Variants in SYNJ1 observed in about 807,000 individuals in gnomAD.
SYNJ1 encodes the protein polyphosphatidylinositol phosphatase SYNJ1.
Under a neutral mutation model 168.2 loss-of-function variants are expected in SYNJ1, and 78 were observed. The ratio of observed to expected loss-of-function variants is 0.46; its 90% CI spans 0.39 to 0.56. SYNJ1 has a LOEUF of 0.56. SYNJ1 is among the 20% of genes least tolerant of loss of function. The probability of loss-of-function intolerance (pLI) is 0.00; values close to 1 mark genes in which losing one functional copy is unlikely to be tolerated. For missense variants in SYNJ1, 1,303 were observed against 1,597.6 expected (o/e 0.82, Z 3.14); for synonymous variants, 539 against 548.6 (o/e 0.98, Z 0.24).
In SYNJ1 at chr21:32,726,754, C is replaced by T; in HGVS notation, c.124+18G>A. On this transcript the variant is annotated intron_variant, in intron 2 of 32. Transcript: ENST00000674351. ...AAAACAGAGACCATGACAAATTGGG[C>T]TCTAACAGATGACTTACAGAGCACA... is the stretch of plus-strand genomic sequence containing the variant. The T allele has an allele frequency of 6.2e-7, 1 of 1,613,418 alleles. No individual in the cohort carries two copies. Among genetic ancestry groups the T allele is most frequent in the Non-Finnish European group, 8.5e-7 (1 of 1,179,710 alleles).
chr21:32,631,937 T>G (rs1008403969), intron 32 of SYNJ1, 136 bp from the exon 33 acceptor site: 7 of 761,854 alleles, frequency 9.2e-6, no homozygotes, highest in Non-Finnish European at 1.2e-5. Flanking sequence ...TTGTGTAGTT[T>G]GTTACTCCGG....
chr21:32,676,061 T>C (rs2041395501), intron 13 of SYNJ1, among the ~76,000 whole-genome samples: 1 of 152,168 alleles, frequency 6.6e-6, no homozygotes, highest in African/African-American at 2.4e-5. Context: ...AAAAGTGAAA[T>C]TAAAACTAGC....
chr21:32,711,953 A>G (rs1386344169), intron 2 of SYNJ1, among the ~76,000 whole-genome samples: 1 of 152,228 alleles, frequency 6.6e-6, no homozygotes, highest in East Asian at 1.9e-4. Flanking sequence ...TTTTACTTTA[A>G]AAGTATTTTC....
chr21:32,684,852 A>C (rs2041762281), intron 9 of SYNJ1, among the ~76,000 whole-genome samples: 1 of 152,210 alleles, frequency 6.6e-6, no homozygotes, highest in Admixed American at 6.5e-5. Flanking sequence ...ATAATAATAG[A>C]GTCTATCCCT....
In SYNJ1 at chr21:32,639,150, G is replaced by A. The variant is rs558966073; in HGVS notation, c.3698-25C>T. The A allele has an allele frequency of 3.5e-5, 55 of 1,593,682 alleles. No homozygotes were observed. The Middle Eastern group carries it at 5.8e-4, about 17-fold the overall frequency. On this transcript the variant is annotated intron_variant, in intron 30 of 32. Transcript: ENST00000674351. ...CCTAAAAAACCAGTGGTTGTCAGAT[G>A]TTAGGTATATTCTAGAAAACCATGT...
chr21:32,661,721 C>T (rs1252436462), intron 18 of SYNJ1, among the ~76,000 whole-genome samples: 1 of 152,016 alleles, frequency 6.6e-6, no homozygotes, highest in Non-Finnish European at 1.5e-5. Flanking sequence ...TGGATACAGG[C>T]CCTTCCTATG....
chr21:32,645,102 A>T lies in SYNJ1; in HGVS notation c.3392-96T>A, dbSNP rs34001349. 28,368 of 1,215,874 alleles carry T rather than the reference A, an allele frequency of 0.023. 417 individuals are homozygous for T. Among genetic ancestry groups the T allele is most frequent in the Non-Finnish European group, 0.027 (23,360 of 866,578 alleles). 75.3% of individuals were successfully genotyped at this position (1,215,874 alleles called of 1,614,324 possible). On this transcript the variant is annotated intron_variant, in intron 25 of 32. Coordinates refer to ENST00000674351, the MANE Select transcript of SYNJ1 (RefSeq NM_203446.3). ...TGCTATAGTATCCATGACATCAAGT[A>T]TCATGCAGGAATTACATATTATCTA... is the stretch of plus-strand genomic sequence containing the variant.
intron 2 of SYNJ1, among the ~76,000 whole-genome samples, chr21:32,706,867 TAAAG>T (rs1239709402): frequency 6.6e-6 from 1 of 152,180 alleles, no homozygotes; most frequent in Non-Finnish European, 1.5e-5. Flanking sequence ...TCTTCTACTA[TAAAG>T]AGATTATTTA....
At chr21:32,727,246 A>G (rs1393642412) in intron 1 of SYNJ1, among the ~76,000 whole-genome samples, 1 of 152,204 alleles carries the variant, frequency 6.6e-6, no homozygotes, top group Non-Finnish European at 1.5e-5. Context: ...GGAGCTGTTT[A>G]TCAGCTTCCT....
Position 32,722,200 on chromosome 21 carries a change from AAAAAAATAT to A in SYNJ1, c.124+4563_124+4571del, listed in dbSNP as rs1375854517. ...AACTCCATCTCAAAGAAAAAAAAAA[AAAAAAATAT>A]ATATATATATATATATATATATAAT... On this transcript the variant is annotated intron_variant, in intron 2 of 32. Coordinates refer to ENST00000674351, the MANE Select transcript of SYNJ1 (RefSeq NM_203446.3). Among the ~76,000 whole-genome samples, 164 of 114,392 alleles carry A rather than the reference AAAAAAATAT, an allele frequency of 1.4e-3. 1 individual carries two copies. The highest frequency in any genetic ancestry group is 8.1e-3 in the Middle Eastern group (2 of 246). The allele number at this position is 114,392 out of a possible 152,430, so 75.0% of individuals were successfully genotyped here.
At chr21:32,677,741 T>C (rs2041467871) in intron 12 of SYNJ1, among the ~76,000 whole-genome samples, 1 of 152,186 alleles carries the variant, frequency 6.6e-6, no homozygotes, top group Non-Finnish European at 1.5e-5. Context: ...CGTAATTAAC[T>C]ACCTTTAGGC....
At chr21:32,693,966 A>G (rs527474250) in intron 6 of SYNJ1, among the ~76,000 whole-genome samples, 5 of 152,322 alleles carry the variant, frequency 3.3e-5, no homozygotes, top group Admixed American at 6.5e-5. Context: ...TTGCAAATCA[A>G]TACACTATAA....
intron 18 of SYNJ1, among the ~76,000 whole-genome samples, chr21:32,663,442 C>A (rs2040796518): frequency 1.3e-5 from 2 of 152,132 alleles, no homozygotes; most frequent in South Asian, 4.1e-4. Flanking sequence ...GGAGTCCCAC[C>A]AGGACTGGAC....
In SYNJ1 at chr21:32,631,576, C is replaced by G; in HGVS notation, c.*229G>C. 1 of 1,613,940 alleles carries G rather than the reference C, an allele frequency of 6.2e-7. No individual in the cohort carries two copies. The highest frequency in any genetic ancestry group is 8.5e-7 in the Non-Finnish European group (1 of 1,180,010). On this transcript the variant is annotated 3_prime_UTR_variant, in exon 33 of 33. Coordinates refer to ENST00000674351, the MANE Select transcript of SYNJ1 (RefSeq NM_203446.3). Reference sequence around the variant, plus strand: ...ATATTTTCCTGGGATTGACTCCGAGCTGGAATTGGAGGCATTGTTGGCATG... The same window carrying G: ...ATATTTTCCTGGGATTGACTCCGAGGTGGAATTGGAGGCATTGTTGGCATG...
At chr21:32,637,440 G>A (rs1446308673) in intron 31 of SYNJ1, among the ~76,000 whole-genome samples, 5 of 120,264 alleles carry the variant, frequency 4.2e-5, no homozygotes, top group East Asian at 2.3e-4. Context: ...ATGGAGTCTC[G>A]CTCTGTCACC....
At chr21:32,655,989 G>C (rs931434323) in intron 21 of SYNJ1, among the ~76,000 whole-genome samples, 1 of 152,138 alleles carries the variant, frequency 6.6e-6, no homozygotes, top group African/African-American at 2.4e-5. Flanking sequence ...CTGAGGCAGG[G>C]AGGGAGTCAT....
Position 32,657,059 on chromosome 21 carries a change from C to A in SYNJ1, c.2523G>T (p.Trp841Cys), listed in dbSNP as rs2145853599. ...CATAGTGCAGCAAAGTGCCTGGAGT[C>A]CACGTGTACAGAATTTTGCTTTCAT... ...FQDESKILYTWTPGTLLHYGR... is the reference protein window; with the variant it reads ...FQDESKILYTCTPGTLLHYGR... Residue 841 changes from tryptophan to cysteine, a missense_variant, in exon 20 of 33, where the codon TGG becomes TGT. Trp to Cys is a radical substitution (Grantham distance 215, BLOSUM62 -2). Transcript: ENST00000674351. 1.2e-6 allele frequency: 2 copies of A among 1,614,150 alleles called. No individual in the cohort carries two copies. Among genetic ancestry groups the A allele is most frequent in the Non-Finnish European group, 1.7e-6 (2 of 1,180,040 alleles).
At chr21:32,652,892 C>A (rs2040324649) in intron 22 of SYNJ1, among the ~76,000 whole-genome samples, 1 of 152,148 alleles carries the variant, frequency 6.6e-6, no homozygotes, top group Non-Finnish European at 1.5e-5. Context: ...GAAACAAATT[C>A]CTAGGAATAA....
chr21:32,705,010 G>A (rs1038266514), intron 2 of SYNJ1, among the ~76,000 whole-genome samples: 11 of 151,990 alleles, frequency 7.2e-5, no homozygotes, highest in African/African-American at 2.4e-4. Context: ...TTAGCCAGGT[G>A]TGGTGGCAGG....
Sources: gnomAD v4.1 joint callset for allele counts (sites outside exome capture counted in the v4.1 genomes callset) on GRCh38, gnomAD v4.1.1 for gene constraint, MANE v1.5 for transcripts, NCBI Gene and HGNC (gene_info 2026-07-23, HGNC 2026-07-21) for gene names.